The following CLYBL variants were observed in gnomAD, a reference collection of about 807,000 sequenced individuals.
The protein encoded by CLYBL is citramalyl-CoA lyase, mitochondrial.
In CLYBL, 31 loss-of-function variants were observed where a neutral mutation model predicts 38.9. That is an observed-to-expected ratio of 0.80 (90% CI 0.60 to 1.08). CLYBL has a LOEUF of 1.08. CLYBL is among the 50% of genes least tolerant of loss of function. The probability of loss-of-function intolerance (pLI) is 0.00; values close to 1 mark genes in which losing one functional copy is unlikely to be tolerated. For synonymous variants in CLYBL, 171 were observed against 158.6 expected (o/e 1.08, Z -0.59); for missense variants, 434 against 411.6 (o/e 1.05, Z -0.47).
At chr13:99,740,147 C>G (rs1217902253) in intron 1 of CLYBL, among the ~76,000 whole-genome samples, 1 of 152,220 alleles carries the variant, frequency 6.6e-6, no homozygotes, top group African/African-American at 2.4e-5. Flanking sequence ...CCAAATGCTT[C>G]AAACTTAAAG....
chr13:99,857,207 C>T (rs1468956978), intron 2 of CLYBL, among the ~76,000 whole-genome samples: 1 of 151,748 alleles, frequency 6.6e-6, no homozygotes. Flanking sequence ...CCTAGCTACT[C>T]AGGGGGCTGA....
At chr13:99,620,835 AG>A (rs772964531) in intron 1 of CLYBL, among the ~76,000 whole-genome samples, 38 of 118,158 alleles carry the variant, frequency 3.2e-4, no homozygotes, top group Non-Finnish European at 5.7e-4. Context: ...AAAGAAAGAA[AG>A]AAAAAGAAAG....
chr13:99,677,995 A>T (rs2047679100), intron 1 of CLYBL, among the ~76,000 whole-genome samples: 1 of 152,192 alleles, frequency 6.6e-6, no homozygotes, highest in Non-Finnish European at 1.5e-5. Flanking sequence ...GTTGTAGAAG[A>T]GTTGCAATAT....
intron 1 of CLYBL, among the ~76,000 whole-genome samples, chr13:99,760,225 C>A (rs940426419): frequency 2.0e-5 from 3 of 152,148 alleles, no homozygotes; most frequent in Non-Finnish European, 4.4e-5. Context: ...AGCCTACTAG[C>A]TAAAAGTTTG....
chr13:99,611,280 G>A (rs897702487), intron 1 of CLYBL, among the ~76,000 whole-genome samples: 1 of 152,208 alleles, frequency 6.6e-6, no homozygotes, highest in Non-Finnish European at 1.5e-5. Flanking sequence ...TATTCTTGTT[G>A]ATTTTATGGA....
intron 1 of CLYBL, among the ~76,000 whole-genome samples, chr13:99,677,564 G>T (rs901530640): frequency 6.6e-6 from 1 of 152,168 alleles, no homozygotes; most frequent in African/African-American, 2.4e-5. Context: ...GTGTGTTTGC[G>T]ATTTATCTGG....
chr13:99,804,280 A>G (rs2050189993), intron 2 of CLYBL, among the ~76,000 whole-genome samples: 1 of 152,228 alleles, frequency 6.6e-6, no homozygotes, highest in African/African-American at 2.4e-5. Flanking sequence ...GGCTCTTGCA[A>G]AGATCTGGAT....
intron 1 of CLYBL, among the ~76,000 whole-genome samples, chr13:99,761,339 T>G (rs1371915407): frequency 7.2e-5 from 11 of 152,092 alleles, no homozygotes; most frequent in Non-Finnish European, 1.5e-4. Context: ...GGCGACAGAG[T>G]GAGACGCCAA....
At chr13:99,851,708 A>G (rs984772513) in intron 2 of CLYBL, among the ~76,000 whole-genome samples, 1 of 152,186 alleles carries the variant, frequency 6.6e-6, no homozygotes, top group Non-Finnish European at 1.5e-5. Flanking sequence ...CATGTGGAGC[A>G]GTTGGAAAGG....
intron 1 of CLYBL, among the ~76,000 whole-genome samples, chr13:99,730,481 C>T (rs1160787887): frequency 6.6e-6 from 1 of 152,204 alleles, no homozygotes; most frequent in African/African-American, 2.4e-5. Context: ...CAGCTCCTGG[C>T]AGCACTTTCC....
intron 1 of CLYBL, among the ~76,000 whole-genome samples, chr13:99,674,989 G>A (rs528524499): frequency 3.9e-5 from 6 of 152,222 alleles, no homozygotes; most frequent in Admixed American, 1.3e-4. Flanking sequence ...AACAATGATC[G>A]CTCCTGTGAA....
intron 1 of CLYBL, among the ~76,000 whole-genome samples, chr13:99,761,095 T>G (rs1488849501): frequency 1.3e-5 from 2 of 152,228 alleles, no homozygotes; most frequent in Non-Finnish European, 2.9e-5. Flanking sequence ...GGCTCATGCC[T>G]GTAATCCCAG....
intron 8 of CLYBL, among the ~76,000 whole-genome samples, chr13:99,902,501 C>A (rs149857710): frequency 2.6e-5 from 4 of 152,104 alleles, no homozygotes; most frequent in African/African-American, 9.7e-5. Context: ...GTTCAGAGGG[C>A]GCCACTGGCC....
intron 1 of CLYBL, among the ~76,000 whole-genome samples, chr13:99,656,890 C>G (rs1252543147): frequency 6.6e-6 from 1 of 152,178 alleles, no homozygotes; most frequent in Non-Finnish European, 1.5e-5. Context: ...GAGGGACAGA[C>G]AGGAAATCAT....
In CLYBL at chr13:99,751,659, G is replaced by A. The variant is rs117800376; in HGVS notation, c.63-21165G>A. On this transcript the variant is annotated intron_variant, in intron 1 of 8. Transcript: ENST00000339105. ...AAATGGCGGTTGCCAAGGGCCGAGG[G>A]GAGGAGGGAATGGGGAATTCATGTG... 6.3e-4 allele frequency among the ~76,000 whole-genome samples: 96 copies of A among 152,324 alleles called. 1 individual carries two copies. The East Asian group carries it at 0.017, about 26-fold the overall frequency.
chr13:99,760,814 G>A (rs2049150780), intron 1 of CLYBL, among the ~76,000 whole-genome samples: 1 of 152,174 alleles, frequency 6.6e-6, no homozygotes, highest in African/African-American at 2.4e-5. Flanking sequence ...AAAGATCAAA[G>A]CACCATACTC....
intron 2 of CLYBL, among the ~76,000 whole-genome samples, chr13:99,784,882 C>A (rs1464630182): frequency 1.3e-5 from 2 of 152,114 alleles, no homozygotes; most frequent in South Asian, 2.1e-4. Flanking sequence ...AGGTACCCAT[C>A]CTTTGACATT....
intron 1 of CLYBL, among the ~76,000 whole-genome samples, chr13:99,719,076 C>T (rs1282714477): frequency 6.6e-6 from 1 of 151,768 alleles, no homozygotes; most frequent in Non-Finnish European, 1.5e-5. Flanking sequence ...TGGTCTTGAA[C>T]TCCCAACCTC....
chr13:99,833,812 C>T (rs1469084678), intron 2 of CLYBL, among the ~76,000 whole-genome samples: 1 of 148,714 alleles, frequency 6.7e-6, no homozygotes, highest in Non-Finnish European at 1.5e-5. Flanking sequence ...AAGTGAGTCT[C>T]CTTCCTCAGC....
Sources: gnomAD v4.1 joint callset for allele counts (sites outside exome capture counted in the v4.1 genomes callset) on GRCh38, gnomAD v4.1.1 for gene constraint, MANE v1.5 for transcripts, NCBI Gene and HGNC (gene_info 2026-07-23, HGNC 2026-07-21) for gene names.